Variants in PPARGC1A observed in about 807,000 individuals in gnomAD.
PPARGC1A encodes PPARG coactivator 1 alpha, also known as peroxisome proliferator-activated receptor gamma coactivator 1-alpha.
PPARGC1A carries 25 observed loss-of-function variants against 88.7 expected under a neutral mutation model. The ratio of observed to expected loss-of-function variants is 0.28; its 90% CI spans 0.21 to 0.39. PPARGC1A has a LOEUF of 0.39. PPARGC1A is among the 10% of genes least tolerant of loss of function. The pLI is 1.00. For missense variants in PPARGC1A, 880 were observed against 968.7 expected, an observed-to-expected ratio of 0.91 and a Z score of 1.22; for synonymous variants, 363 against 355.6, an observed-to-expected ratio of 1.02 and a Z score of -0.24.
intron 1 of PPARGC1A, among the ~76,000 whole-genome samples, chr4:23,888,070 A>G (rs887800783): frequency 6.6e-6 from 1 of 152,224 alleles, no homozygotes; most frequent in African/African-American, 2.4e-5. Flanking sequence ...GACAGCAAAC[A>G]TTAATGATTC....
At chr4:24,051,092 T>G in the PPARGC1A span, among the ~76,000 whole-genome samples, 1 of 141,000 alleles carries the variant, frequency 7.1e-6, no homozygotes, top group African/African-American at 2.7e-5. Context: ...GGAGGCTGAG[T>G]CAGGAGAATG....
chr4:24,328,876 C>T, the PPARGC1A span, among the ~76,000 whole-genome samples: 2 of 152,140 alleles, frequency 1.3e-5, no homozygotes, highest in African/African-American at 2.4e-5. Context: ...GTGGCTTTCA[C>T]GGGTGCTGGA....
chr4:23,867,268 G>A (rs547204210), intron 2 of PPARGC1A, among the ~76,000 whole-genome samples: 5 of 152,060 alleles, frequency 3.3e-5, no homozygotes, highest in Non-Finnish European at 7.4e-5. Context: ...TTTCTCACTA[G>A]CCAACCAACT....
At chr4:24,348,106 CT>C in the PPARGC1A span, among the ~76,000 whole-genome samples, 1 of 152,120 alleles carries the variant, frequency 6.6e-6, no homozygotes, top group South Asian at 2.1e-4. Context: ...CTGATAATTG[CT>C]TTGTTTGAGG....
chr4:24,361,526 C>T, the PPARGC1A span, among the ~76,000 whole-genome samples: 1 of 152,154 alleles, frequency 6.6e-6, no homozygotes, highest in East Asian at 1.9e-4. Flanking sequence ...TCTCTCTCTC[C>T]AGCCACATTG....
At chr4:24,461,930 C>T in the PPARGC1A span, among the ~76,000 whole-genome samples, 1 of 151,278 alleles carries the variant, frequency 6.6e-6, no homozygotes, top group African/African-American at 2.5e-5. Flanking sequence ...CTCCAAATGA[C>T]CACAGCACCG....
the PPARGC1A span, among the ~76,000 whole-genome samples, chr4:24,354,481 T>A: frequency 2.0e-5 from 3 of 152,184 alleles, no homozygotes; most frequent in Non-Finnish European, 4.4e-5. Flanking sequence ...AACCTGGAAA[T>A]CATGGAAAAT....
chr4:24,376,344 A>T, the PPARGC1A span, among the ~76,000 whole-genome samples: 1 of 152,166 alleles, frequency 6.6e-6, no homozygotes, highest in African/African-American at 2.4e-5. Context: ...GGTGAAGAGG[A>T]GGGCTTGCCA....
At chr4:24,048,261 A>G in the PPARGC1A span, among the ~76,000 whole-genome samples, 1 of 152,054 alleles carries the variant, frequency 6.6e-6, no homozygotes, top group African/African-American at 2.4e-5. Context: ...TGCTCTAATA[A>G]ACACACATAT....
the PPARGC1A span, among the ~76,000 whole-genome samples, chr4:24,000,357 C>T: frequency 6.6e-6 from 1 of 152,092 alleles, no homozygotes; most frequent in Admixed American, 6.5e-5. Context: ...TCATTTGCCT[C>T]GGCACTCCTT....
chr4:23,813,197 G>A lies in PPARGC1A; in HGVS notation c.1794-72C>T, dbSNP rs1030581962. On this transcript the variant is annotated intron_variant, in intron 8 of 12. Transcript: ENST00000264867. ...AACCCAAGTTTATCGGCACTGTGGAGCATCCTCTGGGACACTGTATTACAG... is the reference window on the plus strand; with the variant it reads ...AACCCAAGTTTATCGGCACTGTGGAACATCCTCTGGGACACTGTATTACAG... The A allele has an allele frequency of 1.0e-5, 13 of 1,247,338 alleles. 1 individual carries two copies. Among genetic ancestry groups the A allele is most frequent in the South Asian group, 7.3e-5 (6 of 82,272 alleles). The allele number at this position is 1,247,338 out of a possible 1,614,324, so 77.3% of individuals were successfully genotyped here.
rs555783936 is a variant in PPARGC1A at position 23,871,415 on chromosome 4, A to C, written c.234+13337T>G. On this transcript the variant is annotated intron_variant, in intron 2 of 12. Transcript: ENST00000264867. ...GAATTGGGGACCAGCAAGGAAAAGA[A>C]GTCACTTATCCTATATGGCATTGCT... Among the ~76,000 whole-genome samples the C allele has an allele frequency of 3.9e-5, 6 of 152,360 alleles. No individual in the cohort carries two copies. The East Asian group carries it at 1.2e-3, about 29-fold the overall frequency.
At chr4:24,093,286 CT>C in the PPARGC1A span, among the ~76,000 whole-genome samples, 1 of 152,168 alleles carries the variant, frequency 6.6e-6, no homozygotes, top group Non-Finnish European at 1.5e-5. Flanking sequence ...ACAATCATAC[CT>C]CATTAATACA....
At chr4:24,114,534 C>T in the PPARGC1A span, among the ~76,000 whole-genome samples, 8 of 152,210 alleles carry the variant, frequency 5.3e-5, no homozygotes, top group African/African-American at 1.7e-4. Context: ...AAACGAGGTT[C>T]CTTCCTGAGT....
the PPARGC1A span, among the ~76,000 whole-genome samples, chr4:24,236,445 C>T: frequency 6.6e-6 from 1 of 152,154 alleles, no homozygotes; most frequent in African/African-American, 2.4e-5. Flanking sequence ...CATGGAAATG[C>T]CATGTGCGAG....
intron 10 of PPARGC1A, among the ~76,000 whole-genome samples, chr4:23,805,613 A>T (rs974474700): frequency 1.3e-5 from 2 of 152,218 alleles, no homozygotes; most frequent in East Asian, 3.9e-4. Flanking sequence ...CACTTGAGCA[A>T]GGGAATCATA....
chr4:24,280,499 AAAGG>A, the PPARGC1A span, among the ~76,000 whole-genome samples: 2 of 152,040 alleles, frequency 1.3e-5, no homozygotes, highest in Non-Finnish European at 2.9e-5. Flanking sequence ...AGAGAAGAAG[AAAGG>A]AAGGAAGGGA....
At chr4:24,265,206 C>T in the PPARGC1A span, among the ~76,000 whole-genome samples, 2 of 152,124 alleles carry the variant, frequency 1.3e-5, no homozygotes, top group Non-Finnish European at 2.9e-5. Context: ...GGTCTAGTGG[C>T]TTTCATTGAA....
upstream of PPARGC1A, chr4:23,890,122 T>A: frequency 7.6e-7 from 1 of 1,318,746 alleles, no homozygotes; most frequent in Non-Finnish European, 9.7e-7. Flanking sequence ...TAGGCTGGGC[T>A]GTCACTCACC....
Sources: allele counts gnomAD v4.1 joint callset (sites outside exome capture counted in the v4.1 genomes callset), GRCh38; gene constraint gnomAD v4.1.1; transcripts MANE v1.5; gene names NCBI Gene and HGNC (gene_info 2026-07-23, HGNC 2026-07-21).